Variants in SOCS7 observed in about 807,000 individuals in gnomAD.
SOCS7 encodes suppressor of cytokine signaling 7.
In SOCS7, 18 loss-of-function variants were observed where a neutral mutation model predicts 58.9. The ratio of observed to expected loss-of-function variants is 0.31; its 90% CI spans 0.21 to 0.45. The LOEUF is 0.45. Ranked by LOEUF, SOCS7 falls within the 20% of genes least tolerant of loss-of-function variation. The pLI, the probability that SOCS7 is intolerant of heterozygous loss-of-function variation, is 1.00. For missense variants in SOCS7, 667 were observed against 837.3 expected (o/e 0.80, Z 2.51); for synonymous variants, 388 against 364.3 (o/e 1.06, Z -0.74).
rs2038358159 is a variant in SOCS7 at position 38,404,057 on chromosome 17, A to G, written c.*4575A>G. On this transcript the variant is annotated 3_prime_UTR_variant, in exon 10 of 10. Coordinates refer to ENST00000612932, the MANE Select transcript of SOCS7 (RefSeq NM_014598.4). ...TAAAATGATTGGGTCACAAAGGTCA[A>G]GTCTGCACGTCCCTGTGGTAGACCC... 1 of 152,158 alleles carries G rather than the reference A, an allele frequency of 6.6e-6. No individual in the cohort carries two copies. The highest frequency in any genetic ancestry group is 6.5e-5 in the Admixed American group (1 of 15,274). The allele number at this position is 152,158 out of a possible 1,614,324, so 9.4% of individuals were successfully genotyped here. A position where few individuals can be genotyped will look rare whatever the true frequency, so the allele number is the denominator to read the frequency against.
At position 38,367,962 on chromosome 17, in the gene SOCS7, A is replaced by G; in HGVS notation, c.1464A>G (p.Val488=). 1 of 1,614,170 alleles carries G rather than the reference A, an allele frequency of 6.2e-7. No homozygotes were observed. The highest frequency in any genetic ancestry group is 8.5e-7 in the Non-Finnish European group (1 of 1,180,016). The change falls in exon 6 of 10, where the codon GTA becomes GTG. Residue 488 remains valine, a synonymous_variant. Coordinates refer to ENST00000612932, the MANE Select transcript of SOCS7 (RefSeq NM_014598.4). Reference sequence around the variant, plus strand: ...GGAAACCAGATGGTTCTTTCCTGGTACGAGACAGTTCTGATCCTCGTTACA... The same window carrying G: ...GGAAACCAGATGGTTCTTTCCTGGTGCGAGACAGTTCTGATCCTCGTTACA... The part of the protein sequence containing the change: ...LKGKPDGSFL[V]RDSSDPRYIL...
chr17:38,395,785 A>G (rs2038237092), intron 8 of SOCS7, 63 bp from the exon 9 acceptor site: 1 of 1,509,570 alleles, frequency 6.6e-7, no homozygotes, highest in Non-Finnish European at 9.1e-7. Flanking sequence ...TGAACAAAGG[A>G]GTTACTTCTT....
In SOCS7 at chr17:38,351,916, C is replaced by A. The variant is rs909700312; in HGVS notation, c.-137C>A. On this transcript the variant is annotated 5_prime_UTR_variant, in exon 1 of 10. Transcript: ENST00000612932. ...GCTGGGCTCCGCGCGCCCCCCGCCC[C>A]CCTCTATGAGGCAGAGGCCGCGGCG... Among the ~76,000 whole-genome samples the A allele has an allele frequency of 1.3e-5, 2 of 151,244 alleles. No homozygotes were observed. The highest frequency in any genetic ancestry group is 6.6e-5 in the Admixed American group (1 of 15,230).
chr17:38,388,348 A>AT (rs1371968153), intron 7 of SOCS7, among the ~76,000 whole-genome samples: 1 of 151,518 alleles, frequency 6.6e-6, no homozygotes, highest in Non-Finnish European at 1.5e-5. Context: ...CCCCATCTTG[A>AT]TAAAAAAAAA....
chr17:38,382,668 T>C (rs866709643), intron 7 of SOCS7, among the ~76,000 whole-genome samples: 21 of 152,094 alleles, frequency 1.4e-4, no homozygotes, highest in Middle Eastern at 3.4e-3. Flanking sequence ...TTTGTATTTT[T>C]AGTAGAGACG....
intron 2 of SOCS7, among the ~76,000 whole-genome samples, chr17:38,362,964 A>T (rs1486432636): frequency 6.6e-6 from 1 of 152,110 alleles, no homozygotes; most frequent in Non-Finnish European, 1.5e-5. Flanking sequence ...AATACAAAAA[A>T]TTAGCTGGGG....
At chr17:38,387,829 G>A (rs1242666532) in intron 7 of SOCS7, among the ~76,000 whole-genome samples, 1 of 146,324 alleles carries the variant, frequency 6.8e-6, no homozygotes, top group African/African-American at 2.6e-5. Context: ...GAGTGCAGTG[G>A]CGTGATCTTG....
intron 8 of SOCS7, 61 bp downstream of exon 8, chr17:38,395,505 A>G (rs2038233709): frequency 3.2e-6 from 5 of 1,546,980 alleles, no homozygotes; most frequent in Admixed American, 3.5e-5. Flanking sequence ...GGAGGTAACA[A>G]TGTCAGTGAG....
At chr17:38,355,293 G>C (rs1034412414) in intron 1 of SOCS7, among the ~76,000 whole-genome samples, 2 of 152,196 alleles carry the variant, frequency 1.3e-5, no homozygotes, top group African/African-American at 4.8e-5. Flanking sequence ...TATAAGAGTA[G>C]ATTGTTGAGA....
At chr17:38,385,083 A>T (rs911364288) in intron 7 of SOCS7, among the ~76,000 whole-genome samples, 2 of 150,068 alleles carry the variant, frequency 1.3e-5, no homozygotes, top group South Asian at 2.1e-4. Context: ...TTTTTAGTAG[A>T]GACGGGGTTT....
chr17:38,372,873 G>A (rs890866728), intron 6 of SOCS7, among the ~76,000 whole-genome samples: 2 of 152,136 alleles, frequency 1.3e-5, no homozygotes, highest in African/African-American at 2.4e-5. Flanking sequence ...TTGGGAGGCC[G>A]AGGCGGGCGG....
intron 7 of SOCS7, among the ~76,000 whole-genome samples, chr17:38,387,102 A>T (rs1177125340): frequency 0.064 from 3,206 of 50,320 alleles, 138 homozygotes; most frequent in Admixed American, 0.096. Context: ...AAAAAAAAAA[A>T]ATATATATAT....
chr17:38,393,602 A>G (rs1263993443), intron 7 of SOCS7, among the ~76,000 whole-genome samples: 1 of 152,050 alleles, frequency 6.6e-6, no homozygotes, highest in Non-Finnish European at 1.5e-5. Context: ...GCGCCACTGC[A>G]CTCCAGCCTG....
rs1368076919 is a variant in SOCS7, at chr17:38,351,848, T to C, written c.-205T>C. Among the ~76,000 whole-genome samples the C allele has an allele frequency of 1.3e-5, 2 of 149,232 alleles. No individual in the cohort carries two copies. The highest frequency in any genetic ancestry group is 2.5e-5 in the African/African-American group (1 of 40,734). On this transcript the variant is annotated 5_prime_UTR_variant, in exon 1 of 10. Coordinates refer to ENST00000612932, the MANE Select transcript of SOCS7 (RefSeq NM_014598.4). ...AGCCCTTCCGGAAGTGACGTCGGCT[T>C]GGGGGCGGTGCTCGGCGGTGGCGGA...
intron 7 of SOCS7, among the ~76,000 whole-genome samples, chr17:38,387,129 G>GTGTGTGTATATATATATATATATATA (rs1555570683): frequency 3.1e-5 from 2 of 64,796 alleles, no homozygotes; most frequent in African/African-American, 2.0e-4. Flanking sequence ...ATATATATAT[G>GTGTGTGTATATATATATATATATATA]TATGTATATA....
chr17:38,384,891 C>CTTTT (rs71138614), intron 7 of SOCS7, among the ~76,000 whole-genome samples: 10 of 76,658 alleles, frequency 1.3e-4, no homozygotes, highest in African/African-American at 3.0e-4. Context: ...GCACCCAGCT[C>CTTTT]TTTTTTTTTT....
chr17:38,379,243 C>T (rs2037971314), intron 7 of SOCS7, among the ~76,000 whole-genome samples: 1 of 150,344 alleles, frequency 6.7e-6, no homozygotes, highest in Non-Finnish European at 1.5e-5. Flanking sequence ...CTTTGGGAGG[C>T]TGAGGCGGGC....
chr17:38,371,288 T>TC (rs1474737576), intron 6 of SOCS7, among the ~76,000 whole-genome samples: 7,004 of 151,670 alleles, frequency 0.046, 199 homozygotes, highest in Middle Eastern at 0.2. Context: ...TTTTTTTTTT[T>TC]TTTTGAGACG....
At chr17:38,393,155 G>C (rs549467288) in intron 7 of SOCS7, among the ~76,000 whole-genome samples, 1 of 152,100 alleles carries the variant, frequency 6.6e-6, no homozygotes, top group Middle Eastern at 3.2e-3. Flanking sequence ...GATTATAGGC[G>C]TGTGCCACTG....
Sources: allele counts gnomAD v4.1 joint callset (sites outside exome capture counted in the v4.1 genomes callset), GRCh38; gene constraint gnomAD v4.1.1; transcripts MANE v1.5; gene names NCBI Gene and HGNC (gene_info 2026-07-23, HGNC 2026-07-21).